ANKS3: variants seen among roughly 807,000 people sequenced by gnomAD.
ANKS3 encodes the protein ankyrin repeat and sterile alpha motif domain containing 3.
In ANKS3, 62 loss-of-function variants were observed where a neutral mutation model predicts 80.7. The ratio of observed to expected loss-of-function variants is 0.77; its 90% CI spans 0.63 to 0.95. The LOEUF (loss-of-function observed/expected upper bound fraction) is 0.95, where lower values mean the gene tolerates loss of function less well. Ranked by LOEUF, ANKS3 falls within the 40% of genes least tolerant of loss-of-function variation. The probability of loss-of-function intolerance (pLI) is 0.00; values close to 1 mark genes in which losing one functional copy is unlikely to be tolerated. For synonymous variants in ANKS3, 489 were observed against 355.3 expected (o/e 1.38, Z -4.23); for missense variants, 1,150 against 883.6 (o/e 1.30, Z -3.82).
rs541689002 is a variant in ANKS3, at chr16:4,702,028, A to G, written c.1009+74T>C. 7 of 1,473,572 alleles carry G rather than the reference A, an allele frequency of 4.8e-6. No homozygotes were observed. In the East Asian group the frequency reaches 1.8e-4, roughly 37 times the overall value. 91.3% of individuals were successfully genotyped at this position (1,473,572 alleles called of 1,614,324 possible). On this transcript the variant is annotated intron_variant, in intron 9 of 17. Transcript: ENST00000304283. The stretch of plus-strand genomic sequence containing the variant: ...CTGTGTCCAGCGCCAGGCCCAGGGG[A>G]TAAGTGGGGATGGGCACACAGGAGC...
chr16:4,708,730 C>T (rs2080331704), intron 7 of ANKS3, among the ~76,000 whole-genome samples: 1 of 151,622 alleles, frequency 6.6e-6, no homozygotes, highest in African/African-American at 2.4e-5. Context: ...GTGAGGAGAT[C>T]GAGACCATCC....
At chr16:4,700,613 C>T (rs2079845610) in intron 11 of ANKS3, 1 of 384,932 alleles carries the variant, frequency 2.6e-6, no homozygotes, top group African/African-American at 2.1e-5. Context: ...GTAACCATCA[C>T]CAAGCACACA....
At chr16:4,725,207 G>A (rs1478007897) in intron 5 of ANKS3, 6 of 173,106 alleles carry the variant, frequency 3.5e-5, no homozygotes, top group African/African-American at 7.1e-5. Flanking sequence ...CAAGTTCAAC[G>A]TCCTCCATGA....
At chr16:4,714,990 C>CAAAAAAAAAAAAAAA (rs753327026) in intron 6 of ANKS3, among the ~76,000 whole-genome samples, 9 of 36,626 alleles carry the variant, frequency 2.5e-4, no homozygotes, top group African/African-American at 1.3e-3. Flanking sequence ...GACTCTGTCT[C>CAAAAAAAAAAAAAAA]AAAAAAAAAA....
At chr16:4,708,378 A>T (rs1332084071) in intron 7 of ANKS3, among the ~76,000 whole-genome samples, 1 of 152,140 alleles carries the variant, frequency 6.6e-6, no homozygotes, top group Non-Finnish European at 1.5e-5. Flanking sequence ...AATAACAAGG[A>T]AAGTATTAAA....
At chr16:4,702,270 C>T (rs2079959457) in intron 8 of ANKS3, 28 bp from the exon 9 acceptor site, 2 of 1,460,474 alleles carry the variant, frequency 1.4e-6, no homozygotes, top group South Asian at 2.8e-5. Flanking sequence ...CCCATAAGCC[C>T]AGGGAACTCC....
chr16:4,720,141 G>A (rs1355258306), intron 6 of ANKS3, among the ~76,000 whole-genome samples: 1 of 107,422 alleles, frequency 9.3e-6, no homozygotes, highest in Non-Finnish European at 1.8e-5. Context: ...CAGCCTTGGG[G>A]ACAGAGCAAG....
intron 6 of ANKS3, among the ~76,000 whole-genome samples, chr16:4,718,879 C>T (rs1035056659): frequency 6.6e-6 from 1 of 152,146 alleles, no homozygotes; most frequent in African/African-American, 2.4e-5. Context: ...TTAGGAAATA[C>T]ATAATGAAAT....
At chr16:4,701,608 C>G in intron 9 of ANKS3, 65 bp from the exon 10 acceptor site, 1 of 1,406,148 alleles carries the variant, frequency 7.1e-7, no homozygotes. Context: ...TGGGCGTGCC[C>G]CGGGCTGAGC....
chr16:4,703,329 G>T (rs2080018908), intron 8 of ANKS3, among the ~76,000 whole-genome samples: 1 of 151,994 alleles, frequency 6.6e-6, no homozygotes. Context: ...GCCCAGGCTG[G>T]TCTCACAACT....
intron 6 of ANKS3, among the ~76,000 whole-genome samples, chr16:4,721,825 C>T (rs1483972621): frequency 6.6e-6 from 1 of 150,656 alleles, no homozygotes; most frequent in East Asian, 1.9e-4. Flanking sequence ...TTGGTAGAGG[C>T]GGGTTTCACC....
intron 7 of ANKS3, among the ~76,000 whole-genome samples, chr16:4,709,528 C>T (rs1479692175): frequency 6.6e-6 from 1 of 152,090 alleles, no homozygotes; most frequent in Admixed American, 6.6e-5. Flanking sequence ...TGTTTACTGC[C>T]GCAGTATTCA....
chr16:4,731,939 C>T (rs899778181), intron 1 of ANKS3, among the ~76,000 whole-genome samples: 28 of 152,150 alleles, frequency 1.8e-4, no homozygotes, highest in Admixed American at 1.4e-3. Context: ...GGAAAGGGAG[C>T]AAAGGCGAAA....
At chr16:4,699,559 G>A in intron 11 of ANKS3, 1 of 237,768 alleles carries the variant, frequency 4.2e-6, no homozygotes, top group Non-Finnish European at 8.5e-6. Context: ...TCTAAGCGCA[G>A]CTCTTCTCCG....
At chr16:4,726,034 G>A (rs2081332377) in intron 5 of ANKS3, among the ~76,000 whole-genome samples, 1 of 150,196 alleles carries the variant, frequency 6.7e-6, no homozygotes, top group African/African-American at 2.5e-5. Flanking sequence ...GGAGTGCAGT[G>A]GTGCAATCTC....
intron 7 of ANKS3, among the ~76,000 whole-genome samples, chr16:4,709,969 CCACCA>C (rs1240783099): frequency 1.3e-5 from 2 of 152,192 alleles, no homozygotes; most frequent in Non-Finnish European, 2.9e-5. Context: ...CAAGATTATG[CCACCA>C]CACTCCAGCC....
intron 11 of ANKS3, 187 bp downstream of exon 11, chr16:4,700,783 A>G (rs770180186): frequency 2.4e-6 from 2 of 823,508 alleles, no homozygotes; most frequent in Non-Finnish European, 4.2e-6. Flanking sequence ...ACAGAGTAGA[A>G]GCGCTGCAGC....
Position 4,726,968 on chromosome 16 carries a change from T to G in ANKS3, c.369+11A>C. 1 of 1,613,870 alleles carries G rather than the reference T, an allele frequency of 6.2e-7. No individual in the cohort carries two copies. The highest frequency in any genetic ancestry group is 8.5e-7 in the Non-Finnish European group (1 of 1,180,020). ...CTCAGGTTTCTGGGCCTGAGTTCCC[T>G]CGTAGCTCACCTGGAGAAGAAAGTA... On this transcript the variant is annotated intron_variant, in intron 4 of 17. Coordinates refer to ENST00000304283, the MANE Select transcript of ANKS3 (RefSeq NM_133450.4).
At chr16:4,733,846 C>G in intron 1 of ANKS3, 92 bp downstream of exon 1, 3 of 872,752 alleles carry the variant, frequency 3.4e-6, no homozygotes, top group Non-Finnish European at 4.1e-6. Context: ...TGTGAAAGCA[C>G]CCAGGCACCC....
Sources: gnomAD v4.1 joint callset for allele counts (sites outside exome capture counted in the v4.1 genomes callset) on GRCh38, gnomAD v4.1.1 for gene constraint, MANE v1.5 for transcripts, NCBI Gene and HGNC (gene_info 2026-07-23, HGNC 2026-07-21) for gene names.